Variants in OLFM1 observed in about 807,000 individuals in gnomAD.
OLFM1 encodes olfactomedin 1.
In OLFM1, 9 loss-of-function variants were observed where a neutral mutation model predicts 49.7. That is an observed-to-expected ratio of 0.18 (90% CI 0.11 to 0.32). The LOEUF (loss-of-function observed/expected upper bound fraction) is 0.32. OLFM1 is among the 10% of genes least tolerant of loss of function. OLFM1 has a pLI of 1.00. For missense variants in OLFM1, 369 were observed against 661.8 expected (o/e 0.56, Z 4.85); for synonymous variants, 240 against 271.8 (o/e 0.88, Z 1.15).
Position 135,106,770 on chromosome 9 carries a change from T to C in OLFM1, c.698T>C (p.Ile233Thr). ...QKLACGKLTG[I>T]SDPVTVKTSG... ...CCAGCTTGCGGGAAGTTGACGGGCA[T>C]CAGTGACCCCGTGACTGTCAAGACC... The change falls in exon 5 of 6, where the codon ATC becomes ACC. Residue 233 changes from isoleucine (I) to threonine (T), a missense_variant. Physicochemically the swap from Ile to Thr is moderately conservative, Grantham distance 89. Around this residue, in one of 3 missense-constraint regions of OLFM1, gnomAD observed 294 missense variants for 567.5 expected, o/e 0.52. Coordinates refer to ENST00000371793, the MANE Select transcript of OLFM1 (RefSeq NM_001282611.2). The C allele has an allele frequency of 6.2e-7, 1 of 1,613,698 alleles. No individual in the cohort carries two copies. Among genetic ancestry groups the C allele is most frequent in the East Asian group, 2.2e-5 (1 of 44,872 alleles).
intron 3 of OLFM1, chr9:135,097,764 C>G (rs770902261): frequency 6.2e-7 from 1 of 1,608,464 alleles, no homozygotes; most frequent in Non-Finnish European, 8.5e-7. Flanking sequence ...AACGGTATTT[C>G]ATTTTCTTAC....
intron 1 of OLFM1, among the ~76,000 whole-genome samples, chr9:135,078,034 T>C (rs1479131796): frequency 1.3e-5 from 2 of 152,184 alleles, no homozygotes; most frequent in Non-Finnish European, 2.9e-5. Flanking sequence ...GGGTCGGGAA[T>C]GGGTGTGGGG....
intron 1 of OLFM1, among the ~76,000 whole-genome samples, chr9:135,081,491 C>T (rs925414648): frequency 5.3e-5 from 8 of 152,116 alleles, no homozygotes; most frequent in African/African-American, 1.9e-4. Context: ...AGGGGGTCCA[C>T]TTGTGGTTTC....
chr9:135,106,864 C>T lies in OLFM1; in HGVS notation c.783+9C>T. The T allele has an allele frequency of 6.3e-7, 1 of 1,596,338 alleles. No individual in the cohort carries two copies. The highest frequency in any genetic ancestry group is 8.5e-7 in the Non-Finnish European group (1 of 1,170,938). On this transcript the variant is annotated intron_variant, in intron 5 of 5. Transcript: ENST00000371793. ...CTGAAGGCGATAACCGGGTGAGTGT[C>T]CCCTTATGTCATAGGGGGTCATTTG... is the stretch of plus-strand genomic sequence containing the variant.
chr9:135,096,319 CCTT>C (rs1248647258), intron 3 of OLFM1, among the ~76,000 whole-genome samples: 3 of 150,006 alleles, frequency 2.0e-5, no homozygotes, highest in Non-Finnish European at 4.4e-5. Context: ...TCCTCCCTCT[CCTT>C]CTTCTCCTCC....
In OLFM1 at chr9:135,088,724, G is replaced by T. The variant is rs534177262; in HGVS notation, c.150+585G>T. Among the ~76,000 whole-genome samples, 6 of 152,296 alleles carry T rather than the reference G, an allele frequency of 3.9e-5. 1 individual carries two copies. The South Asian group carries it at 1.2e-3, about 32-fold the overall frequency. ...CCTTTCCTCCCCAGTCCATAGGAGG[G>T]TTTGTTCCTTCTCCTCCGAGGACGG... On this transcript the variant is annotated intron_variant, in intron 1 of 5. Coordinates refer to ENST00000371793, the MANE Select transcript of OLFM1 (RefSeq NM_001282611.2). This position sits in a 1 kb window ranked among gnomAD's most constrained non-coding sequence, Gnocchi z 4.8.
intron 5 of OLFM1, among the ~76,000 whole-genome samples, chr9:135,111,515 G>A (rs976298085): frequency 2.6e-5 from 4 of 152,134 alleles, no homozygotes; most frequent in African/African-American, 4.8e-5. Context: ...CCTAGATCTC[G>A]GGGCTGGGAA....
At chr9:135,100,523 G>A (rs577019415) in intron 4 of OLFM1, among the ~76,000 whole-genome samples, 5 of 152,328 alleles carry the variant, frequency 3.3e-5, no homozygotes, top group African/African-American at 1.2e-4. Flanking sequence ...TTCTTTGGAA[G>A]GGCTGCGACA....
chr9:135,076,454 C>A, intron 1 of OLFM1: 1 of 1,430,252 alleles, frequency 7.0e-7, no homozygotes, highest in Non-Finnish European at 9.2e-7. Context: ...ACGGGCTTGT[C>A]GTACCCTGAA....
intron 1 of OLFM1, among the ~76,000 whole-genome samples, chr9:135,081,026 C>T (rs907616028): frequency 8.6e-5 from 13 of 151,802 alleles, no homozygotes; most frequent in African/African-American, 1.7e-4. Context: ...AACTGGAGCC[C>T]GCCCGGAGTT....
At chr9:135,106,468 C>T in intron 4 of OLFM1, 1 of 439,874 alleles carries the variant, frequency 2.3e-6, no homozygotes, top group Non-Finnish European at 4.1e-6. Flanking sequence ...GTCCAGCAGG[C>T]TGAGGAGGCG....
Position 135,087,868 on chromosome 9 carries a change from C to A in OLFM1, c.-122C>A. The A allele has an allele frequency of 3.1e-6, 3 of 969,820 alleles. No homozygotes were observed. In the African/African-American group the frequency reaches 5.4e-5, roughly 17 times the overall value. The allele number at this position is 969,820 out of a possible 1,614,324, so 60.1% of individuals were successfully genotyped here. A position where few individuals can be genotyped will look rare whatever the true frequency, so the allele number is the denominator to read the frequency against. ...CGGCGGCGGGCGGGCGGCGGCGGGC[C>A]GAGGGGGCGCGGGGACACAGCCAGG... is the stretch of plus-strand genomic sequence containing the variant. On this transcript the variant is annotated 5_prime_UTR_variant, in exon 1 of 6. Coordinates refer to ENST00000371793, the MANE Select transcript of OLFM1 (RefSeq NM_001282611.2).
intron 5 of OLFM1, among the ~76,000 whole-genome samples, 173 bp downstream of exon 5, chr9:135,107,028 T>C (rs1489122550): frequency 6.6e-6 from 1 of 152,214 alleles, no homozygotes; most frequent in Non-Finnish European, 1.5e-5. Context: ...CCCAGGCCTC[T>C]ATGCTAATCC....
intron 1 of OLFM1, among the ~76,000 whole-genome samples, chr9:135,081,742 G>A (rs577109672): frequency 7.2e-4 from 109 of 152,334 alleles, no homozygotes; most frequent in African/African-American, 2.5e-3. Flanking sequence ...TTGAGAGGCC[G>A]AGGCAGGTGG....
chr9:135,120,461 A>C lies in OLFM1; in HGVS notation c.*283A>C. 4.5e-6 allele frequency: 2 copies of C among 446,896 alleles called. No homozygotes were observed. The highest frequency in any genetic ancestry group is 4.0e-6 in the Non-Finnish European group (1 of 248,276). The allele number at this position is 446,896 out of a possible 1,614,324, so 27.7% of individuals were successfully genotyped here. Reference sequence around the variant, plus strand: ...CCCTCTCTGGTCAAACAACATACTAAAGAGGCGAGGCAATGACTGTTGGCC... The same window carrying C: ...CCCTCTCTGGTCAAACAACATACTACAGAGGCGAGGCAATGACTGTTGGCC... On this transcript the variant is annotated 3_prime_UTR_variant, in exon 6 of 6. Coordinates refer to ENST00000371793, the MANE Select transcript of OLFM1 (RefSeq NM_001282611.2).
upstream of OLFM1, among the ~76,000 whole-genome samples, chr9:135,085,177 G>A (rs1830581894): frequency 6.6e-6 from 1 of 152,172 alleles, no homozygotes; most frequent in South Asian, 2.1e-4. Flanking sequence ...AGGGAGGGTG[G>A]TGCAGGCTCG....
intron 2 of OLFM1, among the ~76,000 whole-genome samples, chr9:135,091,424 C>A (rs1442033218): frequency 1.3e-5 from 2 of 151,816 alleles, no homozygotes; most frequent in African/African-American, 4.9e-5. Flanking sequence ...CACACGCACA[C>A]TCACAAACAC....
chr9:135,108,899 C>T (rs1179079324), intron 5 of OLFM1, among the ~76,000 whole-genome samples: 1 of 152,124 alleles, frequency 6.6e-6, no homozygotes, highest in Non-Finnish European at 1.5e-5. Context: ...CATGCACTGA[C>T]ACTCCAAGCC....
At chr9:135,084,469 CTG>C (rs1341864633), upstream of OLFM1, among the ~76,000 whole-genome samples, 1 of 149,512 alleles carries the variant, frequency 6.7e-6, no homozygotes, top group Non-Finnish European at 1.5e-5. This position sits in a 1 kb window ranked among gnomAD's most constrained non-coding sequence, Gnocchi z 4.6. Flanking sequence ...TCTCTTCTCT[CTG>C]TCTCTCCTCT....
Sources: allele counts gnomAD v4.1 joint callset (sites outside exome capture counted in the v4.1 genomes callset), GRCh38; gene constraint gnomAD v4.1.1; regional missense constraint gnomAD v4.1.1; non-coding constraint Gnocchi (gnomAD v3.1); transcripts MANE v1.5; gene names NCBI Gene and HGNC (gene_info 2026-07-23, HGNC 2026-07-21).